The following HDAC9 variants were observed in gnomAD, a reference collection of about 807,000 sequenced individuals.
HDAC9 encodes histone deacetylase 9, also known as MEF-2 interacting transcription repressor (MITR) protein.
In HDAC9, 41 loss-of-function variants were observed where a neutral mutation model predicts 139.4. The ratio of observed to expected loss-of-function variants is 0.29; its 90% CI spans 0.23 to 0.38. HDAC9 has a LOEUF of 0.38. Among genes scored for constraint, HDAC9 ranks in the 10% least tolerant of loss-of-function variants. The pLI, the probability that HDAC9 is intolerant of heterozygous loss-of-function variation, is 1.00. For missense variants in HDAC9, 1,147 were observed against 1,297.0 expected, an observed-to-expected ratio of 0.88 and a Z score of 1.78; for synonymous variants, 517 against 476.2, an observed-to-expected ratio of 1.09 and a Z score of -1.12.
At chr7:18,908,795 T>TC (rs764738666) in intron 22 of HDAC9, among the ~76,000 whole-genome samples, 95 of 152,260 alleles carry the variant, frequency 6.2e-4, no homozygotes, top group Non-Finnish European at 1.3e-3. Context: ...ATTTTCTCTA[T>TC]CCATTCATCC....
chr7:18,457,275 G>A (rs1298845824), intron 1 of HDAC9, among the ~76,000 whole-genome samples: 1 of 152,128 alleles, frequency 6.6e-6, no homozygotes, highest in Non-Finnish European at 1.5e-5. Flanking sequence ...GAACCACTCA[G>A]TGACAATCCC....
chr7:18,397,602 A>C (rs1787175609), intron 1 of HDAC9, among the ~76,000 whole-genome samples: 1 of 152,218 alleles, frequency 6.6e-6, no homozygotes, highest in African/African-American at 2.4e-5. Context: ...TTTTAATGTT[A>C]ACTAAACCAG....
chr7:18,466,552 C>A (rs1183906146), intron 1 of HDAC9, among the ~76,000 whole-genome samples: 1 of 152,164 alleles, frequency 6.6e-6, no homozygotes, highest in African/African-American at 2.4e-5. Context: ...TCCTCTCGTA[C>A]TTCAAATTGC....
chr7:18,736,242 A>T (rs1238037683), intron 13 of HDAC9, among the ~76,000 whole-genome samples: 1 of 152,146 alleles, frequency 6.6e-6, no homozygotes, highest in Non-Finnish European at 1.5e-5. Flanking sequence ...CTCTTGCCTG[A>T]TTGCCCTGGC....
chr7:18,345,007 A>G (rs1354047739), intron 1 of HDAC9, among the ~76,000 whole-genome samples: 1 of 152,034 alleles, frequency 6.6e-6, no homozygotes, highest in Non-Finnish European at 1.5e-5. Flanking sequence ...TGGGCTCTCT[A>G]CTAAAAGCTC....
chr7:18,783,043 AATGTCTGTTTAAAAGT>A (rs1191223383), intron 16 of HDAC9, among the ~76,000 whole-genome samples: 1 of 152,076 alleles, frequency 6.6e-6, no homozygotes, highest in Non-Finnish European at 1.5e-5. Flanking sequence ...GCTTCCTTTT[AATGTCTGTTTAAAAGT>A]ATATTTAAAG....
chr7:18,825,246 G>T (rs1366416438), intron 17 of HDAC9, among the ~76,000 whole-genome samples: 1 of 152,196 alleles, frequency 6.6e-6, no homozygotes, highest in African/African-American at 2.4e-5. Flanking sequence ...GCCTTGCCTA[G>T]GAGGTATGGA....
intron 1 of HDAC9, among the ~76,000 whole-genome samples, chr7:18,093,358 C>G (rs933258065): frequency 1.1e-4 from 16 of 152,092 alleles, no homozygotes; most frequent in African/African-American, 3.6e-4. Context: ...AGTGAAGTTT[C>G]CAGGGGGAAA....
intron 1 of HDAC9, among the ~76,000 whole-genome samples, chr7:18,134,633 A>T (rs765917806): frequency 6.6e-6 from 1 of 152,136 alleles, no homozygotes; most frequent in Non-Finnish European, 1.5e-5. Flanking sequence ...ACTCATTCTT[A>T]AGCACTAGGT....
intron 25 of HDAC9, among the ~76,000 whole-genome samples, chr7:18,980,513 G>C (rs1455107156): frequency 6.6e-6 from 1 of 152,094 alleles, no homozygotes; most frequent in African/African-American, 2.4e-5. Context: ...AAATTTCATA[G>C]AGTTGTGAGA....
At chr7:18,088,616 A>C (rs558701939) in intron 1 of HDAC9, among the ~76,000 whole-genome samples, 2 of 152,362 alleles carry the variant, frequency 1.3e-5, no homozygotes, top group East Asian at 3.9e-4. Context: ...ATCAGCAATC[A>C]TGTTTAAAAG....
At chr7:18,101,309 C>T (rs974161395) in intron 1 of HDAC9, among the ~76,000 whole-genome samples, 1 of 152,192 alleles carries the variant, frequency 6.6e-6, no homozygotes, top group African/African-American at 2.4e-5. Flanking sequence ...AATCTGGAAG[C>T]TGGACTAGTC....
At chr7:18,392,919 C>CAAAAAAAAAAAAAAAAAAAAAAAAAGAA (rs773532939) in intron 1 of HDAC9, among the ~76,000 whole-genome samples, 1 of 44,536 alleles carries the variant, frequency 2.2e-5, no homozygotes, top group Non-Finnish European at 5.3e-5. Flanking sequence ...CCATGACTGG[C>CAAAAAAAAAAAAAAAAAAAAAAAAAGAA]AAAAAAAAAA....
intron 1 of HDAC9, among the ~76,000 whole-genome samples, chr7:18,091,066 A>C (rs1196251997): frequency 6.6e-6 from 1 of 152,220 alleles, no homozygotes; most frequent in Non-Finnish European, 1.5e-5. Context: ...AGATAATGGT[A>C]ATATGTAATC....
At chr7:18,264,089 A>T (rs540408741) in intron 2 of HDAC9, among the ~76,000 whole-genome samples, 74 of 152,352 alleles carry the variant, frequency 4.9e-4, no homozygotes, top group Non-Finnish European at 6.9e-4. Flanking sequence ...AGAAAATTTA[A>T]CAATAATAGT....
intron 1 of HDAC9, among the ~76,000 whole-genome samples, chr7:18,347,967 A>G (rs1412750154): frequency 3.9e-5 from 6 of 152,206 alleles, no homozygotes; most frequent in Admixed American, 3.3e-4. Flanking sequence ...AAGGGTTGAC[A>G]GTCATAGATT....
intron 2 of HDAC9, chr7:18,543,641 T>A (rs1813737234): frequency 6.6e-6 from 1 of 152,180 alleles, no homozygotes; most frequent in Non-Finnish European, 1.5e-5. Flanking sequence ...AGATGCTATA[T>A]TAAGTGCTAA....
chr7:18,228,051 G>A (rs1234778421), intron 2 of HDAC9, among the ~76,000 whole-genome samples: 1 of 152,082 alleles, frequency 6.6e-6, no homozygotes, highest in Non-Finnish European at 1.5e-5. Flanking sequence ...GCTGGAAATG[G>A]CATCATGTGA....
At chr7:18,929,199 A>G (rs1804507153) in intron 22 of HDAC9, among the ~76,000 whole-genome samples, 1 of 152,182 alleles carries the variant, frequency 6.6e-6, no homozygotes, top group African/African-American at 2.4e-5. Context: ...TCTAAACTAG[A>G]GAAAATACTG....
Sources: gnomAD v4.1 joint callset for allele counts (sites outside exome capture counted in the v4.1 genomes callset) on GRCh38, gnomAD v4.1.1 for gene constraint, MANE v1.5 for transcripts, NCBI Gene and HGNC (gene_info 2026-07-23, HGNC 2026-07-21) for gene names.